PLCE1: variants seen among roughly 807,000 people sequenced by gnomAD.
The protein encoded by PLCE1 is phospholipase C epsilon 1.
Under a neutral mutation model 242.8 loss-of-function variants are expected in PLCE1, and 119 were observed. The observed-to-expected ratio is 0.49, with a 90% CI of 0.42 to 0.57. The LOEUF (loss-of-function observed/expected upper bound fraction) is 0.57. Ranked by LOEUF, PLCE1 falls within the 20% of genes least tolerant of loss-of-function variation. The probability of loss-of-function intolerance (pLI) is 0.00; values close to 1 mark genes in which losing one functional copy is unlikely to be tolerated. For missense variants in PLCE1, 2,441 were observed against 2,788.8 expected (o/e 0.88, Z 2.81); for synonymous variants, 945 against 1,017.4 (o/e 0.93, Z 1.35).
chr10:94,122,125 C>T (rs1225565694), intron 2 of PLCE1, among the ~76,000 whole-genome samples: 1 of 152,236 alleles, frequency 6.6e-6, no homozygotes, highest in East Asian at 1.9e-4. Flanking sequence ...CAGCTTCACA[C>T]ATGCACAGCT....
intron 2 of PLCE1, among the ~76,000 whole-genome samples, chr10:94,101,223 T>C (rs2135489880): frequency 6.6e-6 from 1 of 152,312 alleles, no homozygotes; most frequent in Non-Finnish European, 1.5e-5. Flanking sequence ...GCACAGCACA[T>C]GGCTCACCCC....
intron 3 of PLCE1, among the ~76,000 whole-genome samples, chr10:94,145,054 A>G (rs925904661): frequency 1.6e-4 from 24 of 152,256 alleles, no homozygotes; most frequent in African/African-American, 5.8e-4. Flanking sequence ...TTACATTTCA[A>G]AAGGATGATT....
intron 2 of PLCE1, among the ~76,000 whole-genome samples, chr10:94,054,400 A>G (rs933399449): frequency 6.6e-6 from 1 of 152,178 alleles, no homozygotes; most frequent in African/African-American, 2.4e-5. Context: ...GGCCTAGCCC[A>G]TTAACAGAAC....
intron 3 of PLCE1, among the ~76,000 whole-genome samples, chr10:94,145,773 A>T (rs2047094249): frequency 6.6e-6 from 1 of 151,986 alleles, no homozygotes; most frequent in Non-Finnish European, 1.5e-5. Flanking sequence ...GTATTCTGAG[A>T]TTCACACAAG....
Position 94,179,512 on chromosome 10 carries a change from G to GTT in PLCE1, c.1809+8033_1809+8034dup, listed in dbSNP as rs1554877545. Among the ~76,000 whole-genome samples, 32 of 19,394 alleles carry GTT rather than the reference G, an allele frequency of 1.6e-3. 1 individual carries two copies. The South Asian group carries it at 0.035, about 21-fold the overall frequency. The allele number at this position is 19,394 out of a possible 152,430, so 12.7% of individuals were successfully genotyped here. A position where few individuals can be genotyped will look rare whatever the true frequency, so the allele number is the denominator to read the frequency against. Reference sequence around the variant, plus strand: ...TTTATCTTATTTTTATTTTAGTTTAGTTTTTTTTTTTTTTTTTTGACAGGG... The same window carrying GTT: ...TTTATCTTATTTTTATTTTAGTTTAGTTTTTTTTTTTTTTTTTTTTGACAGGG... On this transcript the variant is annotated intron_variant, in intron 4 of 32. Coordinates refer to ENST00000371380, the MANE Select transcript of PLCE1 (RefSeq NM_016341.4).
At chr10:94,159,057 A>C (rs1201791811) in intron 3 of PLCE1, among the ~76,000 whole-genome samples, 1 of 151,652 alleles carries the variant, frequency 6.6e-6, no homozygotes, top group Non-Finnish European at 1.5e-5. Context: ...ACTGGAGCAA[A>C]AGTTGTTTTT....
At chr10:94,236,150 G>A (rs1451613893) in intron 7 of PLCE1, 30 bp downstream of exon 7, 1 of 1,572,918 alleles carries the variant, frequency 6.4e-7, no homozygotes, top group East Asian at 2.3e-5. Flanking sequence ...AGTGAGGAAT[G>A]CTCATCTCTT....
chr10:94,185,951 T>C (rs1829147601), intron 4 of PLCE1, among the ~76,000 whole-genome samples: 1 of 152,212 alleles, frequency 6.6e-6, no homozygotes, highest in African/African-American at 2.4e-5. Flanking sequence ...CAGCTTTTGC[T>C]AAAAACTTTT....
chr10:94,151,919 A>AT (rs1229041573), intron 3 of PLCE1, among the ~76,000 whole-genome samples: 3 of 152,096 alleles, frequency 2.0e-5, no homozygotes, highest in Non-Finnish European at 2.9e-5. Flanking sequence ...TGGCATAGTC[A>AT]TTTTTTTCCT....
intron 3 of PLCE1, among the ~76,000 whole-genome samples, chr10:94,135,290 G>A (rs1352984647): frequency 2.0e-5 from 3 of 152,104 alleles, no homozygotes; most frequent in South Asian, 2.1e-4. Context: ...AAAAAAAGAT[G>A]GGTCTTCAAA....
At chr10:94,324,744 C>T (rs997271072) in intron 31 of PLCE1, 148 bp from the exon 32 acceptor site, 24 of 957,224 alleles carry the variant, frequency 2.5e-5, no homozygotes, top group Middle Eastern at 2.3e-4. Context: ...GCCGAGCTTG[C>T]GGTTAAGCAG....
At chr10:94,004,505 G>C (rs1285782225) in intron 1 of PLCE1, among the ~76,000 whole-genome samples, 2 of 152,214 alleles carry the variant, frequency 1.3e-5, no homozygotes, top group Non-Finnish European at 2.9e-5. Context: ...GCGTTTGACA[G>C]CACCTGTGGG....
chr10:94,057,768 G>A (rs1479178204), intron 2 of PLCE1, among the ~76,000 whole-genome samples: 2 of 152,190 alleles, frequency 1.3e-5, no homozygotes, highest in African/African-American at 2.4e-5. Context: ...AATCTGGCAT[G>A]GTGTGGCTGT....
At chr10:94,280,375 C>T (rs2052162242) in intron 20 of PLCE1, 1 of 172,926 alleles carries the variant, frequency 5.8e-6, no homozygotes, top group East Asian at 1.6e-4. Context: ...TCCCCTCCCT[C>T]CCTGGTTTTC....
In PLCE1 at chr10:94,246,135, C is replaced by T. The variant is rs896129334; in HGVS notation, c.2610C>T (p.Tyr870=). ...TGCAGGGGGCCACGGTCATCCACTA[C>T]GACCAGGACACACACCTCTCTGCCC... ...FLLQGATVIH[Y]DQDTHLSARC... is the part of the protein sequence containing the mutation. The change falls in exon 8 of 33, where the codon TAC becomes TAT. Residue 870 remains tyrosine (Y), a synonymous_variant. Coordinates refer to ENST00000371380, the MANE Select transcript of PLCE1 (RefSeq NM_016341.4). The T allele has an allele frequency of 1.2e-5, 19 of 1,614,026 alleles. No individual in the cohort carries two copies. The highest frequency in any genetic ancestry group is 8.3e-5 in the Admixed American group (5 of 60,006).
chr10:94,259,595 A>C (rs2051224071), intron 13 of PLCE1, among the ~76,000 whole-genome samples: 1 of 152,142 alleles, frequency 6.6e-6, no homozygotes, highest in South Asian at 2.1e-4. Context: ...CACTTAGAGA[A>C]TTATTTTAAG....
chr10:94,276,939 G>A (rs12258052), intron 19 of PLCE1, among the ~76,000 whole-genome samples: 41,658 of 151,966 alleles, frequency 0.27, 5,792 homozygotes, highest in Middle Eastern at 0.38. Flanking sequence ...AGTCACATCC[G>A]TAAGGCCTTT....
At chr10:94,170,952 C>G (rs1220677326) in intron 3 of PLCE1, among the ~76,000 whole-genome samples, 2 of 152,046 alleles carry the variant, frequency 1.3e-5, no homozygotes, top group Non-Finnish European at 2.9e-5. Flanking sequence ...GAAAACCAAC[C>G]CTACCACCAC....
At chr10:94,118,726 G>C (rs1203293123) in intron 2 of PLCE1, among the ~76,000 whole-genome samples, 1 of 152,116 alleles carries the variant, frequency 6.6e-6, no homozygotes, top group Non-Finnish European at 1.5e-5. Flanking sequence ...TTCGCAAATT[G>C]CCCAATCTTG....
Sources: allele counts gnomAD v4.1 joint callset (sites outside exome capture counted in the v4.1 genomes callset), GRCh38; gene constraint gnomAD v4.1.1; transcripts MANE v1.5; gene names NCBI Gene and HGNC (gene_info 2026-07-23, HGNC 2026-07-21).